Variants in SCRN2 observed in about 807,000 individuals in gnomAD.
SCRN2 encodes the protein secernin 2, also known as secernin-2.
In SCRN2, 30 loss-of-function variants were observed where a neutral mutation model predicts 40.1. The ratio of observed to expected loss-of-function variants is 0.75; its 90% CI spans 0.56 to 1.01. The LOEUF is 1.01. Ranked by LOEUF, SCRN2 falls within the 50% of genes least tolerant of loss-of-function variation. The pLI is 0.00. For missense variants in SCRN2, 526 were observed against 564.9 expected (o/e 0.93, Z 0.70); for synonymous variants, 240 against 233.5 (o/e 1.03, Z -0.25).
chr17:47,839,124 C>A, intron 4 of SCRN2, 118 bp from the exon 5 acceptor site: 1 of 1,088,136 alleles, frequency 9.2e-7, no homozygotes, highest in Non-Finnish European at 1.3e-6. Flanking sequence ...ATGGAGCCTA[C>A]GTTTTGGTGG....
intron 1 of SCRN2, 88 bp from the exon 2 acceptor site, chr17:47,840,931 G>A: frequency 7.9e-7 from 1 of 1,260,992 alleles, no homozygotes; most frequent in South Asian, 2.0e-5. Context: ...GACGCGCAAG[G>A]AAGACACCGC....
chr17:47,839,929 A>G, intron 3 of SCRN2: 1 of 588,010 alleles, frequency 1.7e-6, no homozygotes, highest in Non-Finnish European at 3.0e-6. Flanking sequence ...TGCTCCATCC[A>G]CTATTACTGG....
At chr17:47,839,420 G>C (rs1312029279) in intron 4 of SCRN2, 24 bp downstream of exon 4, 1 of 1,608,072 alleles carries the variant, frequency 6.2e-7, no homozygotes, top group African/African-American at 1.3e-5. Flanking sequence ...ACTTCCCAAA[G>C]CTGGGAGAAA....
At chr17:47,839,312 G>A in intron 4 of SCRN2, 132 bp downstream of exon 4, 1 of 931,664 alleles carries the variant, frequency 1.1e-6, no homozygotes, top group South Asian at 1.6e-5. Context: ...CAAGTGAAGG[G>A]GAGGAGAATT....
intron 1 of SCRN2, 96 bp from the exon 2 acceptor site, chr17:47,840,939 C>G: frequency 8.4e-7 from 1 of 1,197,602 alleles, no homozygotes; most frequent in Non-Finnish European, 1.1e-6. Context: ...AGGAAGACAC[C>G]GCCGTGGCTC....
chr17:47,838,098 G>C, intron 7 of SCRN2, 96 bp from the exon 8 acceptor site: 1 of 1,550,848 alleles, frequency 6.4e-7, no homozygotes, highest in Non-Finnish European at 8.6e-7. Flanking sequence ...CAGGAGAAAG[G>C]AGATACCCCC....
Position 47,839,503 on chromosome 17 carries a change from C to G in SCRN2, c.497G>C (p.Arg166Pro), listed in dbSNP as rs146219626. Residue 166 changes from arginine (R) to proline (P), a missense_variant, in exon 4 of 8, where the codon CGC (arginine) becomes CCC (proline). Coordinates refer to ENST00000290216, the MANE Select transcript of SCRN2 (RefSeq NM_138355.4). The stretch of plus-strand genomic sequence containing the variant: ...TGTCTCCAGCACCCACGCCTCAGTG[C>G]GGTCAGCCAGCAGGAAGGTGCTATG... ...SYHSTFLLAD[R>P]TEAWVLETAG... The G allele has an allele frequency of 6.2e-7, 1 of 1,613,860 alleles. No individual in the cohort carries two copies. The highest frequency in any genetic ancestry group is 8.5e-7 in the Non-Finnish European group (1 of 1,180,042).
chr17:47,839,311 G>T (rs891877208), intron 4 of SCRN2, 133 bp downstream of exon 4: 1 of 927,090 alleles, frequency 1.1e-6, no homozygotes, highest in Non-Finnish European at 1.6e-6. Flanking sequence ...CCAAGTGAAG[G>T]GGAGGAGAAT....
In SCRN2 at chr17:47,837,704, C is replaced by A; in HGVS notation, c.*140G>T. On this transcript the variant is annotated 3_prime_UTR_variant, in exon 8 of 8. Coordinates refer to ENST00000290216, the MANE Select transcript of SCRN2 (RefSeq NM_138355.4). The stretch of plus-strand genomic sequence containing the variant: ...AGTTCACTGAAGAGAAAATAAAGCA[C>A]ATTTATTAAGGCAAAGGCCAAGCTG... 1.9e-6 allele frequency: 2 copies of A among 1,051,634 alleles called. No individual in the cohort carries two copies. The highest frequency in any genetic ancestry group is 5.9e-5 in the East Asian group (2 of 34,042). The allele number at this position is 1,051,634 out of a possible 1,614,324, so 65.1% of individuals were successfully genotyped here. A position where few individuals can be genotyped will look rare whatever the true frequency, so the allele number is the denominator to read the frequency against.
At chr17:47,840,063 G>T in intron 3 of SCRN2, 128 bp downstream of exon 3, 1 of 952,680 alleles carries the variant, frequency 1.0e-6, no homozygotes, top group Non-Finnish European at 1.5e-6. Context: ...GAAGGCACAA[G>T]GGCAAAGTCT....
rs1467229570 is a variant in SCRN2, at chr17:47,838,202, C to T, written c.1119+68G>A. On this transcript the variant is annotated intron_variant, in intron 7 of 7. Transcript: ENST00000290216. ...CCACTCCCTAGTTCCTTCATATTTCCAGAGTCCCACTGGGAGTGGGGGAGG... is the reference window on the plus strand; with the variant it reads ...CCACTCCCTAGTTCCTTCATATTTCTAGAGTCCCACTGGGAGTGGGGGAGG... 3.2e-6 allele frequency: 5 copies of T among 1,562,208 alleles called. No individual in the cohort carries two copies. The African/African-American group carries it at 6.9e-5, about 22-fold the overall frequency.
chr17:47,840,953 G>C (rs2033812116), intron 1 of SCRN2, 110 bp from the exon 2 acceptor site: 1 of 1,058,904 alleles, frequency 9.4e-7, no homozygotes, highest in Non-Finnish European at 1.3e-6. Flanking sequence ...GTGGCTCCTG[G>C]ACGCTCGGCG....
chr17:47,841,257 CT>C lies in SCRN2; in HGVS notation c.-51del, dbSNP rs1478146675. On this transcript the variant is annotated 5_prime_UTR_variant, in exon 1 of 8. Coordinates refer to ENST00000290216, the MANE Select transcript of SCRN2 (RefSeq NM_138355.4). ...TCGGTCCCGGGTGCCACCTCCTCCG[CT>C]TCTGGCCAGGGCCGCCCCATTGGGC... is the stretch of plus-strand genomic sequence containing the variant. 1 of 159,082 alleles carries C rather than the reference CT, an allele frequency of 6.3e-6. No homozygotes were observed. The highest frequency in any genetic ancestry group is 1.4e-5 in the Non-Finnish European group (1 of 72,538). The allele number at this position is 159,082 out of a possible 1,614,324, so 9.9% of individuals were successfully genotyped here. A position where few individuals can be genotyped will look rare whatever the true frequency, so the allele number is the denominator to read the frequency against.
In SCRN2 at chr17:47,840,364, G is replaced by C; in HGVS notation, c.183C>G (p.Tyr61Ter). 6.2e-7 allele frequency: 1 copy of C among 1,614,072 alleles called. No homozygotes were observed. The highest frequency in any genetic ancestry group is 1.1e-5 in the South Asian group (1 of 91,088). The change falls in exon 3 of 8, where the codon TAC becomes TAG. Residue 61 changes from tyrosine (Y) to a stop codon, truncating the protein, a stop_gained. Transcript: ENST00000290216. LOFTEE classifies it high-confidence loss of function. ...HTPGSRLQCT[Y>*]IEVEQVSKTH... ...TCTTCGACACCTGTTCCACTTCAAT[G>C]TAGGTGCACTGGAGGTGAGGGAGGA...
chr17:47,839,621 A>G lies in SCRN2; in HGVS notation c.379T>C (p.Ser127Pro). 6.2e-7 allele frequency: 1 copy of G among 1,614,040 alleles called. No homozygotes were observed. The highest frequency in any genetic ancestry group is 8.5e-7 in the Non-Finnish European group (1 of 1,180,028). ...LLRLALERSS[S>P]AQEALHVITG... The stretch of plus-strand genomic sequence containing the variant: ...ATCACATGCAAGGCCTCCTGGGCAG[A>G]GCTGCTCCGTTCCAAAGCCAGCCTG... Residue 127 changes from serine (S) to proline (P), a missense_variant, in exon 4 of 8, where the codon TCT becomes CCT. By Grantham distance (74) the Ser-to-Pro change is moderately conservative. Coordinates refer to ENST00000290216, the MANE Select transcript of SCRN2 (RefSeq NM_138355.4).
At chr17:47,839,817 T>C in intron 3 of SCRN2, 174 bp from the exon 4 acceptor site, 1 of 653,938 alleles carries the variant, frequency 1.5e-6, no homozygotes, top group Non-Finnish European at 2.6e-6. Context: ...CTTTCAATGC[T>C]CTGGTTCCAT....
At position 47,838,584 on chromosome 17, in the gene SCRN2, C is replaced by G; in HGVS notation, c.885G>C (p.Gln295His). The change falls in exon 6 of 8, where the codon CAG becomes CAC. Residue 295 changes from glutamine (Q) to histidine (H), a missense_variant. Physicochemically the swap from Gln to His is conservative, Grantham distance 24. Transcript: ENST00000290216. The part of the protein sequence containing the change: ...TTASMVSVLP[Q>H]DPTQPCVHFL... ...AGTGCACGCAGGGCTGCGTGGGATC[C>G]TGGGGCAGGACAGACACCATGCTGG... The G allele has an allele frequency of 6.2e-7, 1 of 1,614,078 alleles. No homozygotes were observed.
In SCRN2 at chr17:47,838,157, C is replaced by T. The variant is rs2033731693; in HGVS notation, c.1119+113G>A. 7 of 1,526,468 alleles carry T rather than the reference C, an allele frequency of 4.6e-6. No homozygotes were observed. The Admixed American group carries it at 7.3e-5, about 16-fold the overall frequency. 94.6% of individuals were successfully genotyped at this position (1,526,468 alleles called of 1,614,324 possible). On this transcript the variant is annotated intron_variant, in intron 7 of 7. Transcript: ENST00000290216. ...TGGCTTTGAAGGGAGGAACTCCTCT[C>T]CCCAGCTCTGAAATCTCTTCCACTC...
chr17:47,840,298 C>T lies in SCRN2; in HGVS notation c.249G>A (p.Gly83=), dbSNP rs749264004. ...VILSRPSWLW[G]AEMGANEHGV... Reference sequence around the variant, plus strand: ...CATGCTCGTTGGCGCCCATCTCAGCCCCCCATAGCCAAGAAGGACGGCTCA... The same window carrying T: ...CATGCTCGTTGGCGCCCATCTCAGCTCCCCATAGCCAAGAAGGACGGCTCA... Residue 83 remains glycine (G), a synonymous_variant, in exon 3 of 8, where the codon GGG becomes GGA. Coordinates refer to ENST00000290216, the MANE Select transcript of SCRN2 (RefSeq NM_138355.4). 7 of 1,614,206 alleles carry T rather than the reference C, an allele frequency of 4.3e-6. No individual in the cohort carries two copies. In the Admixed American group the frequency reaches 8.3e-5, roughly 19 times the overall value.
Sources: allele counts gnomAD v4.1 joint callset, GRCh38; gene constraint gnomAD v4.1.1; transcripts MANE v1.5; gene names NCBI Gene and HGNC (gene_info 2026-07-23, HGNC 2026-07-21).